Variants in ABLIM2 observed in about 807,000 individuals in gnomAD.
ABLIM2 encodes actin binding LIM protein family member 2.
ABLIM2 carries 53 observed loss-of-function variants against 97.7 expected under a neutral mutation model. That is an observed-to-expected ratio of 0.54 (90% CI 0.44 to 0.68). The LOEUF (loss-of-function observed/expected upper bound fraction) is 0.68. Among genes scored for constraint, ABLIM2 ranks in the 30% least tolerant of loss-of-function variants. The pLI is 0.00. For synonymous variants in ABLIM2, 361 were observed against 345.8 expected, an observed-to-expected ratio of 1.04 and a Z score of -0.49; for missense variants, 835 against 867.2, an observed-to-expected ratio of 0.96 and a Z score of 0.47.
rs980060915 is a variant in ABLIM2, at chr4:8,019,732, T to C, written c.1370-61A>G. The C allele has an allele frequency of 1.3e-6, 2 of 1,493,252 alleles. No homozygotes were observed. Among genetic ancestry groups the C allele is most frequent in the African/African-American group, 1.4e-5 (1 of 72,044 alleles). 92.5% of individuals were successfully genotyped at this position (1,493,252 alleles called of 1,614,324 possible). On this transcript the variant is annotated intron_variant, in intron 13 of 20. Transcript: ENST00000447017. This position sits in a 1 kb window ranked among gnomAD's most constrained non-coding sequence, Gnocchi z 4.3. ...GAGGGTAAGCAGCAAGTTGTGATGG[T>C]TTCTGTTCTACAGCTTTTTGTAAGC...
Position 8,091,399 on chromosome 4 carries a change from T to C in ABLIM2, c.339-3115A>G, listed in dbSNP as rs1827789407. 1.3e-4 allele frequency among the ~76,000 whole-genome samples: 7 copies of C among 53,704 alleles called. No homozygotes were observed. The South Asian group carries it at 3.0e-3, about 23-fold the overall frequency. 35.2% of individuals were successfully genotyped at this position (53,704 alleles called of 152,430 possible). On this transcript the variant is annotated intron_variant, in intron 3 of 20. Transcript: ENST00000447017. ...TATAATTATATTATATATAATTATA[T>C]GTAATATATAATTATATATTATATA...
Position 7,966,867 on chromosome 4 carries a change from T to TCCCCCCCCCC in ABLIM2, c.*122_*123insGGGGGGGGGG. 1 of 72,712 alleles carries TCCCCCCCCCC rather than the reference T, an allele frequency of 1.4e-5. No homozygotes were observed. Among genetic ancestry groups the TCCCCCCCCCC allele is most frequent in the South Asian group, 1.4e-4 (1 of 7,400 alleles). 4.5% of individuals were successfully genotyped at this position (72,712 alleles called of 1,614,324 possible). On this transcript the variant is annotated 3_prime_UTR_variant, in exon 21 of 21. Coordinates refer to ENST00000447017, the MANE Select transcript of ABLIM2 (RefSeq NM_001130083.2). ...GGGCCGCACCTGCTGGGGGACCCCC[T>TCCCCCCCCCC]CCCGCCCACCCCATGGACACAGAGA...
chr4:8,015,202 T>A lies in ABLIM2; in HGVS notation c.1423+4416A>T, dbSNP rs1351193786. On this transcript the variant is annotated intron_variant, in intron 14 of 20. Transcript: ENST00000447017. The surrounding 1 kb of genome is among the most constrained non-coding windows in gnomAD (Gnocchi z 4.6). ...TCCCAAAGTGCTGGGATTACAGGTG[T>A]GAGCCACCGTGCCCGGCTTGTCTTC... Among the ~76,000 whole-genome samples, 2 of 152,150 alleles carry A rather than the reference T, an allele frequency of 1.3e-5. No individual in the cohort carries two copies. Among genetic ancestry groups the A allele is most frequent in the African/African-American group, 4.8e-5 (2 of 41,450 alleles).
rs957454644 is a variant in ABLIM2 at position 8,128,547 on chromosome 4, C to T, written c.11-21910G>A. Among the ~76,000 whole-genome samples the T allele has an allele frequency of 3.3e-5, 5 of 152,212 alleles. No individual in the cohort carries two copies. Among genetic ancestry groups the T allele is most frequent in the African/African-American group, 1.2e-4 (5 of 41,452 alleles). On this transcript the variant is annotated intron_variant, in intron 1 of 20. Coordinates refer to ENST00000447017, the MANE Select transcript of ABLIM2 (RefSeq NM_001130083.2). This position sits in a 1 kb window ranked among gnomAD's most constrained non-coding sequence, Gnocchi z 4.9. ...ACCTGCTGGTTACCAGATGTACTCC[C>T]AGGCTCTAAAACACGAATGCACTAA... is the stretch of plus-strand genomic sequence containing the variant.
intron 7 of ABLIM2, among the ~76,000 whole-genome samples, chr4:8,055,524 G>A (rs1388194274): frequency 6.6e-6 from 1 of 152,244 alleles, no homozygotes; most frequent in African/African-American, 2.4e-5. Flanking sequence ...GCATGGCTGT[G>A]TCTCCATCTC....
In ABLIM2 at chr4:8,047,190, T is replaced by G. The variant is rs531110464; in HGVS notation, c.823-1949A>C. Among the ~76,000 whole-genome samples the G allele has an allele frequency of 2.8e-4, 42 of 152,194 alleles. No individual in the cohort carries two copies. The South Asian group carries it at 8.5e-3, about 31-fold the overall frequency. On this transcript the variant is annotated intron_variant, in intron 8 of 20. Transcript: ENST00000447017. ...TGGGTGGCGCCTGGGCAACCCTGAG[T>G]GCAAACTTGATTCTGTATCTAGAAA...
chr4:8,083,982 G>A lies in ABLIM2; in HGVS notation c.455-3180C>T, dbSNP rs1235286768. ...GAGCCTCAGCTGGAGCTCAGGGGGTGCAGGTGCAGGAGCCAGACCCCCTCT... is the reference window on the plus strand; with the variant it reads ...GAGCCTCAGCTGGAGCTCAGGGGGTACAGGTGCAGGAGCCAGACCCCCTCT... On this transcript the variant is annotated intron_variant, in intron 4 of 20. Coordinates refer to ENST00000447017, the MANE Select transcript of ABLIM2 (RefSeq NM_001130083.2). This position sits in a 1 kb window ranked among gnomAD's most constrained non-coding sequence, Gnocchi z 4.6. Among the ~76,000 whole-genome samples the A allele has an allele frequency of 2.0e-5, 3 of 152,140 alleles. No individual in the cohort carries two copies. The highest frequency in any genetic ancestry group is 7.2e-5 in the African/African-American group (3 of 41,422).
chr4:8,016,378 C>G (rs985420801), intron 14 of ABLIM2, among the ~76,000 whole-genome samples: 1 of 152,120 alleles, frequency 6.6e-6, no homozygotes, highest in Non-Finnish European at 1.5e-5. Context: ...GCACAGCTTC[C>G]CTCCCCTGAG....
At chr4:7,979,885 T>C (rs565487632) in intron 20 of ABLIM2, among the ~76,000 whole-genome samples, 2 of 152,302 alleles carry the variant, frequency 1.3e-5, no homozygotes, top group South Asian at 2.1e-4. Context: ...TGGGGCTTTT[T>C]CTGGGACTGC....
Position 7,999,068 on chromosome 4 carries a change from T to C in ABLIM2, c.1619-6141A>G, listed in dbSNP as rs1755348317. Among the ~76,000 whole-genome samples the C allele has an allele frequency of 6.6e-6, 1 of 152,234 alleles. No homozygotes were observed. Among genetic ancestry groups the C allele is most frequent in the South Asian group, 2.1e-4 (1 of 4,820 alleles). ...ACCAGCGCTGAGAATCACTGGTTTA[T>C]TTATTTTATTTTTTGAGACGGAGTT... On this transcript the variant is annotated intron_variant, in intron 16 of 20. Coordinates refer to ENST00000447017, the MANE Select transcript of ABLIM2 (RefSeq NM_001130083.2). The surrounding 1 kb of genome is among the most constrained non-coding windows in gnomAD (Gnocchi z 4.4).
chr4:7,969,317 G>A (rs781445143), intron 20 of ABLIM2, among the ~76,000 whole-genome samples: 37 of 152,004 alleles, frequency 2.4e-4, no homozygotes, highest in Admixed American at 8.5e-4. Flanking sequence ...AGCTGGGTGC[G>A]CTGGCGTGTA....
chr4:8,110,646 G>T (rs534512645), intron 1 of ABLIM2, among the ~76,000 whole-genome samples: 1 of 150,688 alleles, frequency 6.6e-6, no homozygotes, highest in South Asian at 2.1e-4. Context: ...AATATACTTG[G>T]TCGGGGGTGG....
chr4:8,105,755 G>A (rs1367677582), intron 2 of ABLIM2, among the ~76,000 whole-genome samples: 1 of 152,230 alleles, frequency 6.6e-6, no homozygotes. Flanking sequence ...AACTCCTCGG[G>A]TCGACATCCA....
In ABLIM2 at chr4:8,033,432, G is replaced by A. The variant is rs1053426810; in HGVS notation, c.1047+2717C>T. ...GGAGGTGGGAAGCTGAAGGCCATGG[G>A]TGGAATGATGGAATCAAGGGAGAAA... On this transcript the variant is annotated intron_variant, in intron 10 of 20. Transcript: ENST00000447017. This position sits in a 1 kb window ranked among gnomAD's most constrained non-coding sequence, Gnocchi z 4.5. Among the ~76,000 whole-genome samples, 1 of 152,230 alleles carries A rather than the reference G, an allele frequency of 6.6e-6. No individual in the cohort carries two copies. The highest frequency in any genetic ancestry group is 1.5e-5 in the Non-Finnish European group (1 of 68,028).
chr4:8,095,311 G>C lies in ABLIM2; in HGVS notation c.338+1788C>G, dbSNP rs893763771. On this transcript the variant is annotated intron_variant, in intron 3 of 20. Transcript: ENST00000447017. The surrounding 1 kb of genome is among the most constrained non-coding windows in gnomAD (Gnocchi z 4.7). ...TAGAGACAGGGTCTTGCTATGTCACGCAGGCTGATCTTGAACTCCCAGCCT... is the reference window on the plus strand; with the variant it reads ...TAGAGACAGGGTCTTGCTATGTCACCCAGGCTGATCTTGAACTCCCAGCCT... Among the ~76,000 whole-genome samples the C allele has an allele frequency of 6.6e-6, 1 of 151,946 alleles. No homozygotes were observed. The highest frequency in any genetic ancestry group is 1.5e-5 in the Non-Finnish European group (1 of 67,986).
intron 7 of ABLIM2, among the ~76,000 whole-genome samples, chr4:8,056,362 GCA>G (rs1799162048): frequency 6.9e-6 from 1 of 144,976 alleles, no homozygotes; most frequent in South Asian, 2.2e-4. Context: ...TGGCAGTGGT[GCA>G]AATATAGCTC....
At chr4:8,101,047 G>C (rs1834323244) in intron 2 of ABLIM2, among the ~76,000 whole-genome samples, 1 of 152,208 alleles carries the variant, frequency 6.6e-6, no homozygotes. Context: ...CACCCAGATG[G>C]GAACAGGGAC....
rs770413839 is a variant in ABLIM2, at chr4:8,003,304, A to T, written c.1618+4755T>A. Among the ~76,000 whole-genome samples, 50 of 152,222 alleles carry T rather than the reference A, an allele frequency of 3.3e-4. No homozygotes were observed. Among genetic ancestry groups the T allele is most frequent in the Non-Finnish European group, 5.4e-4 (37 of 68,042 alleles). On this transcript the variant is annotated intron_variant, in intron 16 of 20. Transcript: ENST00000447017. The surrounding 1 kb of genome is among the most constrained non-coding windows in gnomAD (Gnocchi z 4.2). ...CTTCGGCCAGGCAGAGTCATCTAGC[A>T]CACAGCCTGGTGCATCATAGAGGGC...
chr4:8,056,698 T>C (rs1799382439), intron 7 of ABLIM2, among the ~76,000 whole-genome samples: 1 of 151,870 alleles, frequency 6.6e-6, no homozygotes, highest in Non-Finnish European at 1.5e-5. Context: ...TTTGGGAGGC[T>C]GAGGCAGGCG....
Sources: gnomAD v4.1 joint callset for allele counts (sites outside exome capture counted in the v4.1 genomes callset) on GRCh38, gnomAD v4.1.1 for gene constraint, Gnocchi (gnomAD v3.1) non-coding constraint, MANE v1.5 for transcripts, NCBI Gene and HGNC (gene_info 2026-07-23, HGNC 2026-07-21) for gene names.